Variants in SH3PXD2A observed in about 807,000 individuals in gnomAD.
SH3PXD2A encodes the protein SH3 and PX domain-containing protein 2A.
SH3PXD2A carries 32 observed loss-of-function variants against 115.2 expected under a neutral mutation model. The ratio of observed to expected loss-of-function variants is 0.28; its 90% CI spans 0.21 to 0.37. The LOEUF is 0.37. SH3PXD2A is among the 10% of genes least tolerant of loss of function. The pLI, the probability that SH3PXD2A is intolerant of heterozygous loss-of-function variation, is 1.00. For missense variants in SH3PXD2A, 1,328 were observed against 1,498.7 expected, an observed-to-expected ratio of 0.89 and a Z score of 1.88; for synonymous variants, 610 against 629.1, an observed-to-expected ratio of 0.97 and a Z score of 0.45.
At chr10:103,739,380 C>A (rs1447963827) in intron 3 of SH3PXD2A, among the ~76,000 whole-genome samples, 2 of 152,224 alleles carry the variant, frequency 1.3e-5, no homozygotes, top group African/African-American at 4.8e-5. Context: ...TGGGGCTTCC[C>A]CCTTTCCCGC....
chr10:103,791,671 C>T (rs1179417483), intron 2 of SH3PXD2A, among the ~76,000 whole-genome samples: 3 of 151,946 alleles, frequency 2.0e-5, no homozygotes, highest in Admixed American at 2.0e-4. Context: ...TCCTTCCGTA[C>T]CTCTCTCCAT....
chr10:103,790,784 G>A (rs2039027882), intron 2 of SH3PXD2A, among the ~76,000 whole-genome samples: 1 of 152,198 alleles, frequency 6.6e-6, no homozygotes. Flanking sequence ...AGAATGCCAT[G>A]ATCAATTAGT....
intron 2 of SH3PXD2A, among the ~76,000 whole-genome samples, chr10:103,768,004 G>A (rs187086646): frequency 5.3e-5 from 8 of 152,252 alleles, no homozygotes; most frequent in Admixed American, 4.6e-4. Context: ...AAGGAATGGA[G>A]CCTCTCAAGG....
chr10:103,602,335 T>C lies in SH3PXD2A; in HGVS notation c.2883A>G (p.Ser961=). The C allele has an allele frequency of 6.2e-7, 1 of 1,613,574 alleles. No individual in the cohort carries two copies. The highest frequency in any genetic ancestry group is 1.6e-4 in the Middle Eastern group (1 of 6,062). ...TCCTCATCTTCACCGCTGGAGTGCC[T>C]GAGGTCTTGCCGAAGCCCCCGGGAG... ...SKPPGGFGKT[S]GTPAVKMRNG... is the part of the protein sequence containing the mutation. Residue 961 remains serine, a synonymous_variant, in exon 15 of 15, where the codon TCA becomes TCG. Coordinates refer to ENST00000369774, the MANE Select transcript of SH3PXD2A (RefSeq NM_001394015.1).
At chr10:103,776,353 A>G (rs944167405) in intron 2 of SH3PXD2A, among the ~76,000 whole-genome samples, 2 of 148,044 alleles carry the variant, frequency 1.4e-5, no homozygotes, top group Non-Finnish European at 3.0e-5. Flanking sequence ...TGATCATGCC[A>G]CTGCACTCCA....
intron 4 of SH3PXD2A, among the ~76,000 whole-genome samples, chr10:103,733,858 A>C (rs965911604): frequency 4.6e-5 from 7 of 151,914 alleles, no homozygotes; most frequent in African/African-American, 1.7e-4. Context: ...TGTAGCCTTG[A>C]CCTCCTGACT....
rs766880400 is a variant in SH3PXD2A, at chr10:103,767,169, T to C, written c.154A>G (p.Met52Val). 3 of 1,613,116 alleles carry C rather than the reference T, an allele frequency of 1.9e-6. No homozygotes were observed. The highest frequency in any genetic ancestry group is 2.5e-6 in the Non-Finnish European group (3 of 1,179,188). The change falls in exon 3 of 15, where the codon ATG becomes GTG. Residue 52 changes from methionine to valine, a missense_variant and splice_region_variant. By Grantham distance (21) the Met-to-Val change is conservative (BLOSUM62 1). This residue lies in a region of SH3PXD2A where 110 missense variants were observed against 160.0 expected (regional missense o/e 0.69). Coordinates refer to ENST00000369774, the MANE Select transcript of SH3PXD2A (RefSeq NM_001394015.1). The part of the protein sequence containing the change: ...RRYSKFFDLQ[M>V]QLLDKFPIEG... ...ATGGGAAACTTATCCAAAAGCTGCA[T>C]CTGAGAAGCCAGACAGACAGAGGGA...
chr10:103,720,896 G>A (rs941996923), intron 5 of SH3PXD2A, among the ~76,000 whole-genome samples: 3 of 152,184 alleles, frequency 2.0e-5, no homozygotes, highest in Admixed American at 6.5e-5. Context: ...AGACAGGGCC[G>A]GGCCCGGGGA....
chr10:103,818,071 T>C (rs2039342512), intron 1 of SH3PXD2A, among the ~76,000 whole-genome samples: 1 of 152,246 alleles, frequency 6.6e-6, no homozygotes, highest in African/African-American at 2.4e-5. Flanking sequence ...TTGTATGATA[T>C]GAATTCCATT....
At chr10:103,841,703 G>A (rs911898756) in intron 1 of SH3PXD2A, among the ~76,000 whole-genome samples, 4 of 152,048 alleles carry the variant, frequency 2.6e-5, no homozygotes, top group Non-Finnish European at 5.9e-5. Flanking sequence ...CGGGGCCTTG[G>A]CACCTGTTGT....
chr10:103,830,963 C>T (rs1022165451), intron 1 of SH3PXD2A, among the ~76,000 whole-genome samples: 5 of 152,206 alleles, frequency 3.3e-5, no homozygotes, highest in Admixed American at 1.3e-4. Flanking sequence ...TGAATTTCCC[C>T]AGTTGGTCAG....
intron 6 of SH3PXD2A, among the ~76,000 whole-genome samples, chr10:103,679,631 T>C (rs556652992): frequency 1.3e-5 from 2 of 152,220 alleles, no homozygotes; most frequent in African/African-American, 2.4e-5. Flanking sequence ...GGACTGTGTA[T>C]GGCAGGAGCT....
At chr10:103,733,431 C>G (rs1409854263) in intron 4 of SH3PXD2A, among the ~76,000 whole-genome samples, 1 of 152,226 alleles carries the variant, frequency 6.6e-6, no homozygotes, top group East Asian at 1.9e-4. Flanking sequence ...CCTATGCCCC[C>G]TCCTCCATTA....
At chr10:103,835,688 T>A (rs2039530770) in intron 1 of SH3PXD2A, among the ~76,000 whole-genome samples, 1 of 151,944 alleles carries the variant, frequency 6.6e-6, no homozygotes, top group South Asian at 2.1e-4. Flanking sequence ...CCTCACCAAG[T>A]CTTCGCTGAT....
At chr10:103,722,040 T>A (rs2038188656) in intron 5 of SH3PXD2A, among the ~76,000 whole-genome samples, 1 of 151,854 alleles carries the variant, frequency 6.6e-6, no homozygotes, top group Non-Finnish European at 1.5e-5. Flanking sequence ...CAGTTGCTTA[T>A]GCCTATAATC....
chr10:103,835,905 T>C (rs1240497652), intron 1 of SH3PXD2A, among the ~76,000 whole-genome samples: 1 of 152,128 alleles, frequency 6.6e-6, no homozygotes, highest in African/African-American at 2.4e-5. Context: ...GAGGCCCCTT[T>C]CAGCATGAGC....
chr10:103,757,587 G>T (rs1271870536), intron 3 of SH3PXD2A, among the ~76,000 whole-genome samples: 1 of 152,146 alleles, frequency 6.6e-6, no homozygotes, highest in Non-Finnish European at 1.5e-5. Context: ...TGGAATGTGG[G>T]GATGTCGCGG....
chr10:103,625,123 C>A (rs1462224197), intron 9 of SH3PXD2A, among the ~76,000 whole-genome samples: 1 of 152,220 alleles, frequency 6.6e-6, no homozygotes, highest in African/African-American at 2.4e-5. Flanking sequence ...AAAATCCTGC[C>A]CAACCCACTA....
intron 2 of SH3PXD2A, among the ~76,000 whole-genome samples, chr10:103,776,436 CTGTGTGTGTG>C (rs34034863): frequency 2.6e-4 from 33 of 125,120 alleles, no homozygotes; most frequent in South Asian, 1.9e-3. Context: ...GTGTGTGTGT[CTGTGTGTGTG>C]TGTGTGTGTG....
Sources: gnomAD v4.1 joint callset for allele counts (sites outside exome capture counted in the v4.1 genomes callset) on GRCh38, gnomAD v4.1.1 for gene constraint, gnomAD v4.1.1 regional missense constraint, MANE v1.5 for transcripts, NCBI Gene and HGNC (gene_info 2026-07-23, HGNC 2026-07-21) for gene names.